The following SAMSN1 variants were observed in gnomAD, a reference collection of about 807,000 sequenced individuals.
SAMSN1 encodes the protein SAM domain-containing protein SAMSN-1.
SAMSN1 carries 31 observed loss-of-function variants against 42.0 expected under a neutral mutation model. The ratio of observed to expected loss-of-function variants is 0.74; its 90% CI spans 0.55 to 1.00. The LOEUF (loss-of-function observed/expected upper bound fraction) is 1.00. Among genes scored for constraint, SAMSN1 ranks in the 50% least tolerant of loss-of-function variants. The pLI is 0.00. For missense variants in SAMSN1, 464 were observed against 439.4 expected (o/e 1.06, Z -0.50); for synonymous variants, 178 against 151.9 (o/e 1.17, Z -1.26).
intron 2 of SAMSN1, among the ~76,000 whole-genome samples, chr21:14,624,665 C>G (rs1161072117): frequency 1.3e-5 from 2 of 152,120 alleles, no homozygotes; most frequent in Non-Finnish European, 2.9e-5. Context: ...AGTCCAGGAC[C>G]AGATGGATTC....
intron 2 of SAMSN1, among the ~76,000 whole-genome samples, chr21:14,574,464 A>C (rs1008992509): frequency 1.3e-5 from 2 of 152,166 alleles, no homozygotes; most frequent in Non-Finnish European, 2.9e-5. Context: ...AAAGGAGCAA[A>C]ATCCTTAGGG....
upstream of SAMSN1, chr21:14,583,821 A>G: frequency 1.4e-6 from 1 of 699,250 alleles, no homozygotes; most frequent in Non-Finnish European, 2.6e-6. Flanking sequence ...ATTCCTCACA[A>G]AAGATTAAAT....
Position 14,498,518 on chromosome 21 carries a change from G to A in SAMSN1, c.843C>T (p.Leu281=). The part of the protein sequence containing the change: ...EDLKDIKESH[L]IELNIENPDD... ...CTGGGTTTTCAATATTTAATTCAAT[G>A]AGGTGACTCTCTTTTATATCTTTTA... The change falls in exon 7 of 8, where the codon CTC becomes CTT. Residue 281 remains leucine (L), a synonymous_variant. Coordinates refer to ENST00000400566, the MANE Select transcript of SAMSN1 (RefSeq NM_022136.5). The A allele has an allele frequency of 6.2e-7, 1 of 1,610,552 alleles. No individual in the cohort carries two copies. Among genetic ancestry groups the A allele is most frequent in the Non-Finnish European group, 8.5e-7 (1 of 1,178,034 alleles).
At chr21:14,535,858 T>C (rs562209463) in intron 1 of SAMSN1, among the ~76,000 whole-genome samples, 1 of 152,254 alleles carries the variant, frequency 6.6e-6, no homozygotes, top group South Asian at 2.1e-4. Flanking sequence ...TCCAGAAGTG[T>C]GAGAAAGTGG....
In SAMSN1 at chr21:14,632,198, G is replaced by A. The variant is rs144667483; in HGVS notation, c.156+10804C>T. ...CTTGATTTGGCCACTTCCTAACTGTGATAGAAGCAGCAGCAATCTTTGGTG... is the reference window on the plus strand; with the variant it reads ...CTTGATTTGGCCACTTCCTAACTGTAATAGAAGCAGCAGCAATCTTTGGTG... On this transcript the variant is annotated intron_variant, in intron 2 of 15. Transcript: ENST00000647101. 2.2e-3 allele frequency among the ~76,000 whole-genome samples: 339 copies of A among 151,856 alleles called. 1 individual carries two copies. The highest frequency in any genetic ancestry group is 7.5e-3 in the African/African-American group (310 of 41,394).
chr21:14,586,679 A>T (rs897335129), upstream of SAMSN1, among the ~76,000 whole-genome samples: 2 of 152,210 alleles, frequency 1.3e-5, no homozygotes, highest in Admixed American at 6.5e-5. Context: ...ATTAGTGAGG[A>T]TGCAAAAAGA....
At position 14,492,637 on chromosome 21, in the gene SAMSN1, A is replaced by G. The variant is rs1209548368; in HGVS notation, c.919+5805T>C. On this transcript the variant is annotated intron_variant, in intron 7 of 7. Coordinates refer to ENST00000400566, the MANE Select transcript of SAMSN1 (RefSeq NM_022136.5). ...CCATTAGAGAGGTCCTTATGTGACT[A>G]AAGTGAAAAATCTGTGAACACTTTT... 5.3e-5 allele frequency among the ~76,000 whole-genome samples: 8 copies of G among 152,344 alleles called. No homozygotes were observed. The East Asian group carries it at 1.3e-3, about 26-fold the overall frequency.
chr21:14,502,098 A>G (rs1448704465), intron 5 of SAMSN1, among the ~76,000 whole-genome samples: 1 of 152,216 alleles, frequency 6.6e-6, no homozygotes, highest in Non-Finnish European at 1.5e-5. Context: ...CAAACTAAGC[A>G]TCAAGCCTGC....
Position 14,643,085 on chromosome 21 carries a change from TAGCTTGTTGCTCTGGG to T in SAMSN1, c.57_72del (p.Pro20ThrfsTer33), listed in dbSNP as rs1983633573. Reference sequence around the variant, plus strand: ...GTTCTACTAGACATGTTTTCTTGGTTAGCTTGTTGCTCTGGGATTGGCTCATATAAGCTATCCATAG... The same window carrying T: ...GTTCTACTAGACATGTTTTCTTGGTTATTGGCTCATATAAGCTATCCATAG... On this transcript the variant is annotated frameshift_variant, in exon 2 of 16. Coordinates refer to the SAMSN1 transcript ENST00000647101. LOFTEE classifies it high-confidence loss of function. 2.0e-5 allele frequency: 14 copies of T among 717,390 alleles called. No individual in the cohort carries two copies. In the East Asian group the frequency reaches 3.8e-4, roughly 19 times the overall value. 44.4% of individuals were successfully genotyped at this position (717,390 alleles called of 1,614,324 possible).
chr21:14,630,178 C>T (rs747286552), intron 2 of SAMSN1, among the ~76,000 whole-genome samples: 1 of 152,284 alleles, frequency 6.6e-6, no homozygotes, highest in African/African-American at 2.4e-5. Flanking sequence ...AGGGCTGCTA[C>T]TAAACTGGAC....
Position 14,486,021 on chromosome 21 carries a change from G to C in SAMSN1, c.1013C>G (p.Ser338Cys). 1 of 1,613,610 alleles carries C rather than the reference G, an allele frequency of 6.2e-7. No homozygotes were observed. Among genetic ancestry groups the C allele is most frequent in the Non-Finnish European group, 8.5e-7 (1 of 1,179,630 alleles). The change falls in exon 8 of 8, where the codon TCT (serine) becomes TGT (cysteine). Residue 338 changes from serine (S) to cysteine (C), a missense_variant. Transcript: ENST00000400566. ...KSQLDDCPRD[S>C]GCYISSGNSD... Reference sequence around the variant, plus strand: ...ATTTCCTGATGAGATATAGCAACCAGAGTCCCTTGGGCAGTCATCTAACTG... The same window carrying C: ...ATTTCCTGATGAGATATAGCAACCACAGTCCCTTGGGCAGTCATCTAACTG...
At chr21:14,597,436 A>T (rs1170091039) in intron 6 of SAMSN1, among the ~76,000 whole-genome samples, 1 of 152,110 alleles carries the variant, frequency 6.6e-6, no homozygotes, top group Non-Finnish European at 1.5e-5. Flanking sequence ...CATCTTAAGG[A>T]CTAAATGACT....
chr21:14,583,437 G>A, upstream of SAMSN1: 2 of 503,048 alleles, frequency 4.0e-6, no homozygotes, highest in East Asian at 3.6e-5. Context: ...TCGGAGCCCG[G>A]TCTTGAAGGC....
upstream of SAMSN1, among the ~76,000 whole-genome samples, chr21:14,586,951 C>T (rs1048494779): frequency 6.6e-6 from 1 of 152,134 alleles, no homozygotes. Flanking sequence ...AGTATGTGCC[C>T]ATGAAGGGAA....
At chr21:14,568,332 C>G (rs553496716) in intron 2 of SAMSN1, among the ~76,000 whole-genome samples, 2 of 152,308 alleles carry the variant, frequency 1.3e-5, no homozygotes, top group African/African-American at 4.8e-5. Flanking sequence ...ATCTAAGCAG[C>G]ACTGAGCTCT....
intron 7 of SAMSN1, among the ~76,000 whole-genome samples, chr21:14,490,239 AATG>A (rs1018111632): frequency 2.6e-5 from 4 of 152,156 alleles, no homozygotes; most frequent in African/African-American, 9.7e-5. Flanking sequence ...TAATAAACAC[AATG>A]ATATTTAGAT....
intron 2 of SAMSN1, among the ~76,000 whole-genome samples, chr21:14,577,238 G>GTATATATATA (rs767931839): frequency 2.5e-3 from 70 of 28,138 alleles, no homozygotes; most frequent in Non-Finnish European, 3.4e-3. Flanking sequence ...ATATATGTGT[G>GTATATATATA]TATATATATA....
At chr21:14,623,913 T>C (rs1006331581) in intron 2 of SAMSN1, among the ~76,000 whole-genome samples, 30 of 152,174 alleles carry the variant, frequency 2.0e-4, no homozygotes, top group African/African-American at 7.2e-4. Flanking sequence ...GAAAAGAAAT[T>C]ATAACAAACT....
At chr21:14,657,558 A>C (rs1319720559) in intron 1 of SAMSN1, among the ~76,000 whole-genome samples, 6 of 151,888 alleles carry the variant, frequency 4.0e-5, no homozygotes, top group Admixed American at 3.9e-4. Context: ...TACCATTCAA[A>C]ATGATTTCAG....
Sources: gnomAD v4.1 joint callset for allele counts (sites outside exome capture counted in the v4.1 genomes callset) on GRCh38, gnomAD v4.1.1 for gene constraint, MANE v1.5 for transcripts, NCBI Gene and HGNC (gene_info 2026-07-23, HGNC 2026-07-21) for gene names.